Variants in CFHR4 observed in about 807,000 individuals in gnomAD.
The protein encoded by CFHR4 is complement factor H-related protein 4.
In CFHR4, 64 loss-of-function variants were observed where a neutral mutation model predicts 69.3. The ratio of observed to expected loss-of-function variants is 0.92; its 90% CI spans 0.76 to 1.14. The LOEUF is 1.14. Among genes scored for constraint, CFHR4 ranks in the 50% most tolerant of loss-of-function variants. The probability of loss-of-function intolerance (pLI) is 0.00; values close to 1 mark genes in which losing one functional copy is unlikely to be tolerated. For missense variants in CFHR4, 636 were observed against 684.9 expected (o/e 0.93, Z 0.80); for synonymous variants, 244 against 237.0 (o/e 1.03, Z -0.27).
At chr1:196,890,959 T>C (rs1410173632) in intron 1 of CFHR4, among the ~76,000 whole-genome samples, 2 of 151,498 alleles carry the variant, frequency 1.3e-5, no homozygotes, top group Non-Finnish European at 2.9e-5. Flanking sequence ...ATGTCGTTTA[T>C]TAAGAAAAAG....
rs561103224 is a variant in CFHR4, at chr1:196,899,692, T to G, written c.59-2726T>G. Among the ~76,000 whole-genome samples, 19 of 151,680 alleles carry G rather than the reference T, an allele frequency of 1.3e-4. 1 individual carries two copies. Among genetic ancestry groups the G allele is most frequent in the Non-Finnish European group, 2.6e-4 (18 of 67,974 alleles). On this transcript the variant is annotated intron_variant, in intron 1 of 9. Coordinates refer to ENST00000608469, the MANE Select transcript of CFHR4 (RefSeq NM_001201550.3). ...AGGTAAATAAATAATTATTCTATAG[T>G]TGGCTTATGAAAATGCTAGATCAGC...
At chr1:196,900,282 C>A (rs1198857966) in intron 1 of CFHR4, among the ~76,000 whole-genome samples, 4 of 147,454 alleles carry the variant, frequency 2.7e-5, no homozygotes, top group Non-Finnish European at 1.5e-5. Flanking sequence ...GCTCTAAGTT[C>A]TGCTGACTTC....
In CFHR4 at chr1:196,906,969, G is replaced by C; in HGVS notation, c.548G>C (p.Ser183Thr). ...DYECYDGYES[S>T]YGNTTDSIVC... The stretch of plus-strand genomic sequence containing the variant: ...GAATGCTATGATGGATATGAAAGCA[G>C]TTATGGAAACACCACAGATTCCATA... Residue 183 changes from serine to threonine, a missense_variant, in exon 4 of 10, where the codon AGT becomes ACT. Coordinates refer to ENST00000608469, the MANE Select transcript of CFHR4 (RefSeq NM_001201550.3). 1 of 1,612,634 alleles carries C rather than the reference G, an allele frequency of 6.2e-7. No individual in the cohort carries two copies. Among genetic ancestry groups the C allele is most frequent in the African/African-American group, 1.3e-5 (1 of 74,560 alleles).
At chr1:196,910,148 T>C in intron 5 of CFHR4, 133 bp from the exon 6 acceptor site, 1 of 564,814 alleles carries the variant, frequency 1.8e-6, no homozygotes, top group Non-Finnish European at 2.8e-6. Flanking sequence ...CGAAATTTCA[T>C]CTAAAAAAAA....
At chr1:196,908,671 C>A (rs1571438380) in intron 5 of CFHR4, among the ~76,000 whole-genome samples, 1 of 151,276 alleles carries the variant, frequency 6.6e-6, no homozygotes, top group African/African-American at 2.4e-5. Context: ...AAAAAGAAAA[C>A]CTAAAAGAAA....
chr1:196,897,952 T>C (rs1212795467), intron 1 of CFHR4, among the ~76,000 whole-genome samples: 1 of 151,358 alleles, frequency 6.6e-6, no homozygotes, highest in Non-Finnish European at 1.5e-5. Flanking sequence ...AGAGCTAAGA[T>C]ATGTGTACTC....
At chr1:196,891,763 G>A (rs1391865759) in intron 1 of CFHR4, among the ~76,000 whole-genome samples, 2 of 151,176 alleles carry the variant, frequency 1.3e-5, no homozygotes, top group Non-Finnish European at 1.5e-5. Context: ...TATTTAAATT[G>A]TGGTAGTGTT....
In CFHR4 at chr1:196,914,592, A is replaced by G. The variant is rs1371884731; in HGVS notation, c.1278A>G (p.Gly426=). Residue 426 remains glycine, a synonymous_variant, in exon 8 of 10, where the codon GGA becomes GGG. Transcript: ENST00000608469. The part of the protein sequence containing the change: ...HDTLDYECYD[G]YEISYGNTTG... Reference sequence around the variant, plus strand: ...CATTGGACTACGAATGCTACGATGGATATGAAATCAGTTATGGAAACACCA... The same window carrying G: ...CATTGGACTACGAATGCTACGATGGGTATGAAATCAGTTATGGAAACACCA... 1 of 1,611,950 alleles carries G rather than the reference A, an allele frequency of 6.2e-7. No homozygotes were observed. The highest frequency in any genetic ancestry group is 8.5e-7 in the Non-Finnish European group (1 of 1,179,202).
chr1:196,900,542 T>C (rs1657550551), intron 1 of CFHR4, among the ~76,000 whole-genome samples: 2 of 151,350 alleles, frequency 1.3e-5, no homozygotes, highest in Non-Finnish European at 2.9e-5. Flanking sequence ...TAGATAACTA[T>C]ACTTGTTCTG....
At chr1:196,893,766 C>T (rs1657148629) in intron 1 of CFHR4, among the ~76,000 whole-genome samples, 2 of 151,506 alleles carry the variant, frequency 1.3e-5, no homozygotes, top group Non-Finnish European at 2.9e-5. Flanking sequence ...AAAAGATTTA[C>T]CAACACAAGA....
chr1:196,899,468 T>C (rs1657482076), intron 1 of CFHR4, among the ~76,000 whole-genome samples: 2 of 151,440 alleles, frequency 1.3e-5, no homozygotes. Context: ...TACTTTTTTA[T>C]TTTTATTCTG....
intron 1 of CFHR4, among the ~76,000 whole-genome samples, chr1:196,888,865 AATAC>A (rs1656872049): frequency 6.6e-6 from 1 of 151,482 alleles, no homozygotes; most frequent in East Asian, 1.9e-4. Flanking sequence ...TCAATAAATA[AATAC>A]ATAAATAATT....
At chr1:196,917,679 T>C (rs1314596327) in intron 9 of CFHR4, among the ~76,000 whole-genome samples, 1 of 151,490 alleles carries the variant, frequency 6.6e-6, no homozygotes, top group Non-Finnish European at 1.5e-5. Flanking sequence ...TATGTATGTA[T>C]GTATGTATAT....
rs1376210876 is a variant in CFHR4 at position 196,901,871 on chromosome 1, T to G, written c.59-547T>G. On this transcript the variant is annotated intron_variant, in intron 1 of 9. Transcript: ENST00000608469. ...TATTAAGAAATATTCCTAGTTCATT[T>G]TCCTGGTTAAATAAAGGATAGAAAT... 1.3e-5 allele frequency among the ~76,000 whole-genome samples: 2 copies of G among 151,512 alleles called. 1 individual carries two copies. Among genetic ancestry groups the G allele is most frequent in the African/African-American group, 4.9e-5 (2 of 41,062 alleles).
intron 2 of CFHR4, among the ~76,000 whole-genome samples, chr1:196,903,061 A>G (rs936886841): frequency 7.3e-5 from 11 of 151,430 alleles, no homozygotes; most frequent in African/African-American, 2.7e-4. Context: ...ATTTTCAATT[A>G]TTTGGAGAAT....
At chr1:196,888,462 T>C (rs114587865) in intron 1 of CFHR4, among the ~76,000 whole-genome samples, 3,234 of 151,382 alleles carry the variant, frequency 0.021, 199 homozygotes, top group African/African-American at 0.073. Flanking sequence ...ATATTCATTA[T>C]GGAGATATAT....
intron 9 of CFHR4, among the ~76,000 whole-genome samples, chr1:196,917,968 A>G (rs916913758): frequency 6.6e-6 from 1 of 151,592 alleles, no homozygotes; most frequent in Non-Finnish European, 1.5e-5. Context: ...CTCTAGAGAA[A>G]GACTGCCAGG....
intron 3 of CFHR4, 23 bp from the exon 4 acceptor site, chr1:196,906,838 T>A (rs1174675645): frequency 3.1e-6 from 5 of 1,593,554 alleles, no homozygotes; most frequent in Non-Finnish European, 4.3e-6. Context: ...AGAAAAGCAA[T>A]CCTCAATTTT....
At chr1:196,911,442 T>C (rs1571444339) in intron 6 of CFHR4, among the ~76,000 whole-genome samples, 1 of 151,516 alleles carries the variant, frequency 6.6e-6, no homozygotes, top group East Asian at 1.9e-4. Flanking sequence ...ATAAATATAA[T>C]GCTTGCCCAA....
Sources: gnomAD v4.1 joint callset for allele counts (sites outside exome capture counted in the v4.1 genomes callset) on GRCh38, gnomAD v4.1.1 for gene constraint, MANE v1.5 for transcripts, NCBI Gene and HGNC (gene_info 2026-07-23, HGNC 2026-07-21) for gene names.